The following STK3 variants were observed in gnomAD, a reference collection of about 807,000 sequenced individuals.
STK3 encodes the protein serine/threonine-protein kinase 3.
STK3 carries 41 observed loss-of-function variants against 58.0 expected under a neutral mutation model. The ratio of observed to expected loss-of-function variants is 0.71; its 90% CI spans 0.55 to 0.92. The LOEUF (loss-of-function observed/expected upper bound fraction) is 0.92. Ranked by LOEUF, STK3 falls within the 40% of genes least tolerant of loss-of-function variation. The pLI is 0.00. For missense variants in STK3, 479 were observed against 602.7 expected, an observed-to-expected ratio of 0.79 and a Z score of 2.15; for synonymous variants, 170 against 191.0, an observed-to-expected ratio of 0.89 and a Z score of 0.91.
intron 1 of STK3, among the ~76,000 whole-genome samples, chr8:98,930,919 G>A (rs966408150): frequency 1.3e-5 from 2 of 152,194 alleles, no homozygotes; most frequent in South Asian, 2.1e-4. Flanking sequence ...CCTGCACAGC[G>A]CCTGAAGGAA....
intron 1 of STK3, among the ~76,000 whole-genome samples, chr8:98,900,501 C>A (rs1205114220): frequency 1.3e-5 from 2 of 152,038 alleles, no homozygotes; most frequent in Non-Finnish European, 2.9e-5. Flanking sequence ...TTTCCCCTCC[C>A]CAGCTTTAGT....
At chr8:98,700,566 C>T (rs1042728378) in intron 6 of STK3, among the ~76,000 whole-genome samples, 4 of 152,202 alleles carry the variant, frequency 2.6e-5, no homozygotes, top group African/African-American at 9.7e-5. Context: ...GATTGTCATG[C>T]TTTATGTGAG....
chr8:98,835,384 G>C (rs993267953), intron 3 of STK3, among the ~76,000 whole-genome samples: 6 of 152,162 alleles, frequency 3.9e-5, no homozygotes, highest in Admixed American at 1.3e-4. Context: ...AAAAGAAAAA[G>C]GTTTCCTTCC....
intron 1 of STK3, among the ~76,000 whole-genome samples, chr8:98,902,088 C>T (rs1053268788): frequency 3.3e-5 from 5 of 152,118 alleles, no homozygotes; most frequent in South Asian, 2.1e-4. Flanking sequence ...TCCTCTCCCG[C>T]GCTTTCTTCT....
chr8:98,613,543 C>T lies in STK3; in HGVS notation c.685-17374G>A, dbSNP rs147448333. On this transcript the variant is annotated intron_variant, in intron 6 of 10. Coordinates refer to ENST00000419617, the MANE Select transcript of STK3 (RefSeq NM_006281.4). ...TAATTTATGTACATATAGAATAATACTAAAATAAACCACCAAAAAGTTTTG... is the reference window on the plus strand; with the variant it reads ...TAATTTATGTACATATAGAATAATATTAAAATAAACCACCAAAAAGTTTTG... Among the ~76,000 whole-genome samples, 479 of 151,792 alleles carry T rather than the reference C, an allele frequency of 3.2e-3. 3 individuals are homozygous for T. The highest frequency in any genetic ancestry group is 0.01 in the African/African-American group (428 of 41,434).
chr8:98,491,857 T>C (rs1482850681), intron 10 of STK3, among the ~76,000 whole-genome samples: 1 of 152,210 alleles, frequency 6.6e-6, no homozygotes, highest in African/African-American at 2.4e-5. Context: ...TTATGTTACT[T>C]ATGCTTAGCT....
chr8:98,528,739 C>T (rs182018543), intron 9 of STK3, among the ~76,000 whole-genome samples: 108 of 152,172 alleles, frequency 7.1e-4, no homozygotes, highest in African/African-American at 2.5e-3. Context: ...GGGAGTACAC[C>T]TCCCCACAAG....
At chr8:98,598,993 T>C (rs1445610477) in intron 6 of STK3, 13 of 717,688 alleles carry the variant, frequency 1.8e-5, no homozygotes, top group Non-Finnish European at 2.2e-5. Flanking sequence ...GGGCTGAAAA[T>C]GAGAATCAAC....
At chr8:98,529,889 C>T (rs565305042) in intron 9 of STK3, among the ~76,000 whole-genome samples, 3 of 152,138 alleles carry the variant, frequency 2.0e-5, no homozygotes, top group South Asian at 2.1e-4. Context: ...AATGGGGAGT[C>T]GGCGTTTAAC....
At chr8:98,744,495 C>T (rs986694149) in intron 4 of STK3, among the ~76,000 whole-genome samples, 3 of 147,348 alleles carry the variant, frequency 2.0e-5, no homozygotes, top group South Asian at 2.1e-4. Context: ...AAAAACCAAA[C>T]GCTGCATATT....
At chr8:98,762,419 C>T (rs1563974263) in intron 3 of STK3, among the ~76,000 whole-genome samples, 1 of 152,132 alleles carries the variant, frequency 6.6e-6, no homozygotes, top group Non-Finnish European at 1.5e-5. Context: ...CCACGCTCAG[C>T]TAATTTTTGT....
upstream of STK3, among the ~76,000 whole-genome samples, chr8:98,828,997 C>T (rs1835430058): frequency 6.6e-6 from 1 of 152,196 alleles, no homozygotes; most frequent in Non-Finnish European, 1.5e-5. Flanking sequence ...ATTCTCCATC[C>T]TTTTCCATCT....
At chr8:98,598,406 C>T (rs1345773009) in intron 6 of STK3, 9 of 985,148 alleles carry the variant, frequency 9.1e-6, no homozygotes, top group Admixed American at 6.2e-5. Context: ...GCATGAACAC[C>T]GAGCATACAG....
At chr8:98,598,172 G>A (rs1815995252) in intron 6 of STK3, 1 of 985,260 alleles carries the variant, frequency 1.0e-6, no homozygotes, top group African/African-American at 1.7e-5. Flanking sequence ...GTAAACTGGT[G>A]GATAACACAA....
intron 3 of STK3, among the ~76,000 whole-genome samples, chr8:98,416,364 G>GTTTT (rs57447680): frequency 1.3e-5 from 1 of 79,528 alleles, no homozygotes; most frequent in African/African-American, 5.0e-5. Flanking sequence ...GTTTGAAACT[G>GTTTT]TTTTTTTTTT....
chr8:98,740,237 C>G (rs1038651670), intron 4 of STK3, among the ~76,000 whole-genome samples: 2 of 152,052 alleles, frequency 1.3e-5, no homozygotes, highest in Admixed American at 6.5e-5. Context: ...TCAGGAAATA[C>G]AGAGAACGCC....
chr8:98,800,820 C>A lies in STK3; in HGVS notation c.26+24695G>T, dbSNP rs1218535670. On this transcript the variant is annotated intron_variant, in intron 1 of 10. Transcript: ENST00000419617. This position sits in a 1 kb window ranked among gnomAD's most constrained non-coding sequence, Gnocchi z 4.8. Reference sequence around the variant, plus strand: ...AATTCTTGCCAGGCCTCAGCCACCTCCCCACAGGGCAGGGCTCAGGACCTG... The same window carrying A: ...AATTCTTGCCAGGCCTCAGCCACCTACCCACAGGGCAGGGCTCAGGACCTG... 6.6e-6 allele frequency among the ~76,000 whole-genome samples: 1 copy of A among 152,244 alleles called. No homozygotes were observed. Among genetic ancestry groups the A allele is most frequent in the Non-Finnish European group, 1.5e-5 (1 of 68,032 alleles).
chr8:98,404,679 CA>C (rs35146514), intron 3 of STK3, among the ~76,000 whole-genome samples: 1,835 of 95,222 alleles, frequency 0.019, 20 homozygotes, highest in African/African-American at 0.035. Context: ...GTCTCTGTCT[CA>C]AAAAAAAAAA....
intron 10 of STK3, among the ~76,000 whole-genome samples, chr8:98,524,563 C>T (rs970354293): frequency 6.6e-6 from 1 of 152,192 alleles, no homozygotes; most frequent in Non-Finnish European, 1.5e-5. Context: ...CTTTTACCTA[C>T]TTGGTTAAGA....
Sources: allele counts gnomAD v4.1 joint callset (sites outside exome capture counted in the v4.1 genomes callset), GRCh38; gene constraint gnomAD v4.1.1; non-coding constraint Gnocchi (gnomAD v3.1); transcripts MANE v1.5; gene names NCBI Gene and HGNC (gene_info 2026-07-23, HGNC 2026-07-21).